WDR70: variants seen among roughly 807,000 people sequenced by gnomAD.
WDR70 encodes the protein WD repeat domain 70, also known as WD repeat-containing protein 70.
Under a neutral mutation model 88.6 loss-of-function variants are expected in WDR70, and 53 were observed. The ratio of observed to expected loss-of-function variants is 0.60; its 90% CI spans 0.48 to 0.75. The LOEUF (loss-of-function observed/expected upper bound fraction) is 0.75. WDR70 is among the 30% of genes least tolerant of loss of function. The pLI is 0.00. For missense variants in WDR70, 610 were observed against 823.2 expected (o/e 0.74, Z 3.17); for synonymous variants, 280 against 270.0 (o/e 1.04, Z -0.36).
chr5:37,583,027 CTTTATTTTCTCAT>C, intron 9 of WDR70, among the ~76,000 whole-genome samples: 1 of 152,346 alleles, frequency 6.6e-6, no homozygotes, highest in Non-Finnish European at 1.5e-5. Flanking sequence ...TCTGGATCTA[CTTTATTTTCTCAT>C]TTGAACTCTG....
At chr5:37,523,383 C>T (rs1194245881) in intron 9 of WDR70, among the ~76,000 whole-genome samples, 1 of 152,196 alleles carries the variant, frequency 6.6e-6, no homozygotes, top group East Asian at 1.9e-4. Flanking sequence ...CTGGAGTGGA[C>T]CTCCAGTAAA....
intron 5 of WDR70, among the ~76,000 whole-genome samples, chr5:37,404,097 T>G (rs1461035554): frequency 6.6e-6 from 1 of 152,194 alleles, no homozygotes; most frequent in East Asian, 1.9e-4. Context: ...TTAAAAAGTA[T>G]GCATGCTTAG....
chr5:37,480,824 TA>T (rs1739641858), intron 8 of WDR70, among the ~76,000 whole-genome samples: 1 of 152,174 alleles, frequency 6.6e-6, no homozygotes, highest in Non-Finnish European at 1.5e-5. Flanking sequence ...CAAAATTCCA[TA>T]GTCCAAAGTC....
Position 37,465,019 on chromosome 5 carries a change from G to A in WDR70, c.687-14815G>A, listed in dbSNP as rs566018974. ...CTGAGAGACAGTAAGTGGACAACTG[G>A]CACATTTGGTCAAACTTGTAATTTT... is the stretch of plus-strand genomic sequence containing the variant. On this transcript the variant is annotated intron_variant, in intron 7 of 17. Transcript: ENST00000265107. Among the ~76,000 whole-genome samples the A allele has an allele frequency of 4.4e-4, 67 of 152,302 alleles. No homozygotes were observed. The South Asian group carries it at 0.014, about 31-fold the overall frequency.
intron 10 of WDR70, among the ~76,000 whole-genome samples, chr5:37,679,957 C>A (rs1438527971): frequency 1.3e-5 from 2 of 152,264 alleles, no homozygotes; most frequent in Non-Finnish European, 2.9e-5. Flanking sequence ...CCTCCCCCAG[C>A]CTCACTGCCA....
At chr5:37,551,345 T>C (rs1472047176) in intron 9 of WDR70, among the ~76,000 whole-genome samples, 1 of 151,682 alleles carries the variant, frequency 6.6e-6, no homozygotes, top group Admixed American at 6.6e-5. Flanking sequence ...CAAAAAAAAC[T>C]AGTGAAGACT....
intron 9 of WDR70, among the ~76,000 whole-genome samples, chr5:37,521,608 G>C (rs1741091023): frequency 6.6e-6 from 1 of 151,990 alleles, no homozygotes; most frequent in South Asian, 2.1e-4. Context: ...CCATTCCTGA[G>C]TTACTTCACT....
chr5:37,560,496 C>G (rs1419243581), intron 9 of WDR70, among the ~76,000 whole-genome samples: 1 of 152,090 alleles, frequency 6.6e-6, no homozygotes, highest in African/African-American at 2.4e-5. Context: ...TGACACTTTT[C>G]CTTCTTATTT....
intron 7 of WDR70, among the ~76,000 whole-genome samples, chr5:37,475,134 G>A (rs1401433454): frequency 6.6e-6 from 1 of 151,826 alleles, no homozygotes; most frequent in Admixed American, 6.6e-5. Context: ...TGGCCAGGCT[G>A]GTCTTGAACT....
chr5:37,478,178 G>A (rs944153511), intron 7 of WDR70, among the ~76,000 whole-genome samples: 1 of 152,180 alleles, frequency 6.6e-6, no homozygotes, highest in Non-Finnish European at 1.5e-5. Flanking sequence ...TCAGCCTTTT[G>A]TTGTTTTTCT....
chr5:37,562,801 A>C (rs888926636), intron 9 of WDR70, among the ~76,000 whole-genome samples: 34 of 152,026 alleles, frequency 2.2e-4, no homozygotes, highest in African/African-American at 7.9e-4. Flanking sequence ...AGGCAGAAGA[A>C]TTTTTCTTAG....
chr5:37,488,317 T>C (rs12522043), intron 8 of WDR70, among the ~76,000 whole-genome samples: 89,731 of 150,742 alleles, frequency 0.6, 28,009 homozygotes, highest in Non-Finnish European at 0.69. Flanking sequence ...GAATCTGCTA[T>C]CTTCTTGTAT....
chr5:37,729,888 C>CT (rs1404403841), intron 17 of WDR70, among the ~76,000 whole-genome samples: 1 of 152,092 alleles, frequency 6.6e-6, no homozygotes, highest in Admixed American at 6.6e-5. Flanking sequence ...CCCAGTCCCC[C>CT]TTTTTTTCAG....
At chr5:37,381,260 A>G (rs1482504128) in intron 2 of WDR70, among the ~76,000 whole-genome samples, 2 of 152,192 alleles carry the variant, frequency 1.3e-5, no homozygotes, top group Non-Finnish European at 2.9e-5. Flanking sequence ...TTAAGGGCCA[A>G]ATAGGATAGT....
chr5:37,611,550 T>A (rs13435995), intron 10 of WDR70, among the ~76,000 whole-genome samples: 8,972 of 151,938 alleles, frequency 0.059, 871 homozygotes, highest in African/African-American at 0.2. Context: ...GGAGATTTTT[T>A]TAAAAAAATG....
Position 37,744,400 on chromosome 5 carries a change from T to C in WDR70, c.1878-8086T>C, listed in dbSNP as rs527763107. Among the ~76,000 whole-genome samples, 9 of 151,998 alleles carry C rather than the reference T, an allele frequency of 5.9e-5. No homozygotes were observed. In the East Asian group the frequency reaches 1.8e-3, roughly 30 times the overall value. ...CCAAATGATTGCATCGTCTCTCCATTAAGGGCACAGAACTGGATGGAGGAT... is the reference window on the plus strand; with the variant it reads ...CCAAATGATTGCATCGTCTCTCCATCAAGGGCACAGAACTGGATGGAGGAT... On this transcript the variant is annotated intron_variant, in intron 17 of 17. Transcript: ENST00000265107.
chr5:37,743,475 G>A (rs1473203158), intron 17 of WDR70, among the ~76,000 whole-genome samples: 2 of 152,238 alleles, frequency 1.3e-5, no homozygotes, highest in African/African-American at 4.8e-5. Context: ...CTTGTGGGAG[G>A]GGCAGCAGCT....
At chr5:37,559,202 G>A (rs181637399) in intron 9 of WDR70, among the ~76,000 whole-genome samples, 3 of 152,234 alleles carry the variant, frequency 2.0e-5, no homozygotes, top group African/African-American at 7.2e-5. Context: ...TAAGTACTGG[G>A]ATTACAGGCG....
intron 9 of WDR70, among the ~76,000 whole-genome samples, chr5:37,598,361 A>G (rs1743761563): frequency 6.6e-6 from 1 of 152,194 alleles, no homozygotes; most frequent in African/African-American, 2.4e-5. Flanking sequence ...TAAAAATGGG[A>G]TCATAATACC....
Sources: allele counts gnomAD v4.1 joint callset (sites outside exome capture counted in the v4.1 genomes callset), GRCh38; gene constraint gnomAD v4.1.1; transcripts MANE v1.5; gene names NCBI Gene and HGNC (gene_info 2026-07-23, HGNC 2026-07-21).